The following WWC1 variants were observed in gnomAD, a reference collection of about 807,000 sequenced individuals.
WWC1 encodes WW and C2 domain containing 1.
WWC1 carries 55 observed loss-of-function variants against 138.4 expected under a neutral mutation model. The observed-to-expected ratio is 0.40, with a 90% confidence interval of 0.32 to 0.50. The LOEUF (loss-of-function observed/expected upper bound fraction) is 0.50, where lower values mean the gene tolerates loss of function less well. WWC1 is among the 20% of genes least tolerant of loss of function. The pLI is 0.72. For missense variants in WWC1, 1,226 were observed against 1,420.4 expected (o/e 0.86, Z 2.20); for synonymous variants, 524 against 564.9 (o/e 0.93, Z 1.03).
At chr5:168,339,287 A>C (rs1203433209) in intron 1 of WWC1, among the ~76,000 whole-genome samples, 1 of 150,802 alleles carries the variant, frequency 6.6e-6, no homozygotes, top group Admixed American at 6.6e-5. Flanking sequence ...CAGAGGGATG[A>C]GGGTGGGGTT....
At chr5:168,385,491 C>G in intron 3 of WWC1, 77 bp downstream of exon 3, 1 of 1,451,800 alleles carries the variant, frequency 6.9e-7, no homozygotes, top group Non-Finnish European at 9.4e-7. Context: ...AATATTGCTT[C>G]TCAAGTCTGC....
At chr5:168,374,329 G>T (rs1270504086) in intron 2 of WWC1, among the ~76,000 whole-genome samples, 1 of 152,174 alleles carries the variant, frequency 6.6e-6, no homozygotes, top group Non-Finnish European at 1.5e-5. Context: ...AGGTGTATTT[G>T]GGGGTGGCGA....
rs116838758 is a variant in WWC1 at position 168,333,638 on chromosome 5, C to T, written c.120-37786C>T. On this transcript the variant is annotated intron_variant, in intron 1 of 22. Transcript: ENST00000265293. ...ACTGAGCTCTGCACTGGTGTGGCTG[C>T]GGAACTGTCCTGAAGGAGAGAGTGC... Among the ~76,000 whole-genome samples, 1,153 of 152,232 alleles carry T rather than the reference C, an allele frequency of 7.6e-3. 10 individuals carry two copies. Among genetic ancestry groups the T allele is most frequent in the Non-Finnish European group, 0.012 (821 of 67,996 alleles).
At chr5:168,449,995 A>G (rs1755653964) in intron 17 of WWC1, among the ~76,000 whole-genome samples, 1 of 152,200 alleles carries the variant, frequency 6.6e-6, no homozygotes, top group Non-Finnish European at 1.5e-5. Flanking sequence ...TTGCGAGTAG[A>G]GATCCAAAAT....
chr5:168,440,813 G>A lies in WWC1; in HGVS notation c.2281-869G>A, dbSNP rs577177852. ...ATTACAGGCGTGAGCCACCGCGCCC[G>A]GCCTGAAAGCAGGTTCTTAAAGAAT... On this transcript the variant is annotated intron_variant, in intron 15 of 22. Transcript: ENST00000265293. Among the ~76,000 whole-genome samples the A allele has an allele frequency of 1.8e-4, 27 of 152,252 alleles. 1 individual carries two copies. The highest frequency in any genetic ancestry group is 4.2e-4 in the South Asian group (2 of 4,814).
chr5:168,383,349 C>T (rs547835168), intron 2 of WWC1, among the ~76,000 whole-genome samples: 1 of 152,264 alleles, frequency 6.6e-6, no homozygotes, highest in Non-Finnish European at 1.5e-5. Context: ...TCATTACCCC[C>T]TTTAAGAGAT....
chr5:168,420,798 G>C (rs371659966), intron 9 of WWC1, among the ~76,000 whole-genome samples: 1 of 152,076 alleles, frequency 6.6e-6, no homozygotes, highest in Non-Finnish European at 1.5e-5. Flanking sequence ...TCTCTGCATT[G>C]CTCAAGCCTC....
intron 1 of WWC1, among the ~76,000 whole-genome samples, chr5:168,309,187 C>G (rs1484663569): frequency 2.0e-5 from 3 of 147,674 alleles, no homozygotes; most frequent in Non-Finnish European, 4.4e-5. Context: ...TTGCACTCTT[C>G]TCCCTCTTTG....
chr5:168,423,243 A>G (rs530968293), intron 10 of WWC1, among the ~76,000 whole-genome samples: 1 of 152,176 alleles, frequency 6.6e-6, no homozygotes, highest in South Asian at 2.1e-4. Flanking sequence ...ATGAAAACAT[A>G]TCATACAAAT....
At position 168,465,414 on chromosome 5, in the gene WWC1, C is replaced by T. The variant is rs563340652; in HGVS notation, c.3150+452C>T. Among the ~76,000 whole-genome samples the T allele has an allele frequency of 2.2e-4, 34 of 152,104 alleles. No homozygotes were observed. In the East Asian group the frequency reaches 6.6e-3, roughly 30 times the overall value. On this transcript the variant is annotated intron_variant, in intron 21 of 22. Coordinates refer to ENST00000265293, the MANE Select transcript of WWC1 (RefSeq NM_015238.3). ...TGGTCACACCAGGGCCTTCTGCTAACAAGGATGCCCTGGAGTACAAGTCGG... is the reference window on the plus strand; with the variant it reads ...TGGTCACACCAGGGCCTTCTGCTAATAAGGATGCCCTGGAGTACAAGTCGG...
chr5:168,394,449 G>A (rs1435901003), intron 3 of WWC1, among the ~76,000 whole-genome samples: 3 of 152,148 alleles, frequency 2.0e-5, no homozygotes, highest in Admixed American at 6.5e-5. Context: ...TAGCGGGGCC[G>A]GGCGTGGTGG....
chr5:168,343,741 C>T (rs1213423201), intron 1 of WWC1, among the ~76,000 whole-genome samples: 1 of 151,022 alleles, frequency 6.6e-6, no homozygotes, highest in African/African-American at 2.4e-5. Context: ...AGAATCACTT[C>T]AACCCAGGAG....
chr5:168,368,230 A>G (rs958395220), intron 1 of WWC1, among the ~76,000 whole-genome samples: 5 of 151,770 alleles, frequency 3.3e-5, no homozygotes, highest in Non-Finnish European at 7.4e-5. Context: ...AGCTGGGATT[A>G]CAGGTGTAAG....
intron 16 of WWC1, 123 bp downstream of exon 16, chr5:168,441,957 T>TTTTTA: frequency 7.2e-7 from 1 of 1,380,620 alleles, no homozygotes; most frequent in Non-Finnish European, 9.6e-7. Flanking sequence ...GTGGAGGAAG[T>TTTTTA]AGGAGAAGAA....
At chr5:168,455,615 G>A (rs1756249448) in intron 19 of WWC1, 95 bp downstream of exon 19, 5 of 1,494,208 alleles carry the variant, frequency 3.3e-6, no homozygotes, top group Non-Finnish European at 4.5e-6. Flanking sequence ...ATGTTATTGG[G>A]TGACTTCGGG....
Position 168,455,473 on chromosome 5 carries a change from C to T in WWC1, c.2776C>T (p.Arg926Cys). Residue 926 changes from arginine to cysteine, a missense_variant, in exon 19 of 23, where the codon CGC becomes TGC. Arg to Cys is a radical substitution (Grantham distance 180, BLOSUM62 -3). Around this residue, in one of 3 missense-constraint regions of WWC1, gnomAD observed 4 missense variants for 19.2 expected, o/e 0.21. Transcript: ENST00000265293. ...GPFLRGSTIIRSKTFSPGPQS... is the reference protein window; with the variant it reads ...GPFLRGSTIICSKTFSPGPQS... The stretch of plus-strand genomic sequence containing the variant: ...ATTTCTTCGAGGGAGCACCATCATC[C>T]GCTCTAAGACCTTCTCCCCAGGACC... The T allele has an allele frequency of 1.2e-6, 2 of 1,612,912 alleles. No homozygotes were observed. The highest frequency in any genetic ancestry group is 1.7e-6 in the Non-Finnish European group (2 of 1,179,500).
At position 168,465,548 on chromosome 5, in the gene WWC1, C is replaced by CTTTTTTTTTTTTTTTTTT. The variant is rs10527141; in HGVS notation, c.3150+597_3150+614dup. ...CACACAAAGTTTTATATCAGCTGGG[C>CTTTTTTTTTTTTTTTTTT]TTTTTTTTTTTTTTTTTTTTTTTTT... On this transcript the variant is annotated intron_variant, in intron 21 of 22. Transcript: ENST00000265293. 6.4e-3 allele frequency among the ~76,000 whole-genome samples: 300 copies of CTTTTTTTTTTTTTTTTTT among 46,950 alleles called. 141 individuals are homozygous for CTTTTTTTTTTTTTTTTTT. The highest frequency in any genetic ancestry group is 7.5e-3 in the African/African-American group (90 of 11,930). 30.8% of individuals were successfully genotyped at this position (46,950 alleles called of 152,430 possible). A position where few individuals can be genotyped will look rare whatever the true frequency, so the allele number is the denominator to read the frequency against.
At chr5:168,318,673 C>A (rs2152756046) in intron 1 of WWC1, among the ~76,000 whole-genome samples, 1 of 151,936 alleles carries the variant, frequency 6.6e-6, no homozygotes, top group Middle Eastern at 3.4e-3. Flanking sequence ...TATTCTCCTG[C>A]CTCAGCCTCC....
intron 19 of WWC1, among the ~76,000 whole-genome samples, chr5:168,459,274 AGAAAG>A (rs1323512390): frequency 2.1e-5 from 3 of 145,992 alleles, no homozygotes; most frequent in Non-Finnish European, 4.5e-5. Context: ...AAAAAAAAAA[AGAAAG>A]AAAGAAAGAG....
Sources: gnomAD v4.1 joint callset for allele counts (sites outside exome capture counted in the v4.1 genomes callset) on GRCh38, gnomAD v4.1.1 for gene constraint, gnomAD v4.1.1 regional missense constraint, MANE v1.5 for transcripts, NCBI Gene and HGNC (gene_info 2026-07-23, HGNC 2026-07-21) for gene names.